The following FUT8 variants were observed in gnomAD, a reference collection of about 807,000 sequenced individuals.
FUT8 encodes the protein alpha-(1,6)-fucosyltransferase.
Under a neutral mutation model 71.3 loss-of-function variants are expected in FUT8, and 29 were observed. The observed-to-expected ratio is 0.41, with a 90% CI of 0.30 to 0.55. The LOEUF (loss-of-function observed/expected upper bound fraction) is 0.55, where lower values mean the gene tolerates loss of function less well. FUT8 is among the 20% of genes least tolerant of loss of function. The pLI, the probability that FUT8 is intolerant of heterozygous loss-of-function variation, is 0.34. For synonymous variants in FUT8, 254 were observed against 239.3 expected (o/e 1.06, Z -0.57); for missense variants, 544 against 702.1 (o/e 0.77, Z 2.55).
chr14:65,621,664 C>T (rs1033156246), intron 5 of FUT8, among the ~76,000 whole-genome samples: 3 of 152,094 alleles, frequency 2.0e-5, no homozygotes, highest in South Asian at 2.1e-4. Flanking sequence ...CGAGTTCAAG[C>T]GATTATCCTG....
intron 3 of FUT8, among the ~76,000 whole-genome samples, chr14:65,596,122 A>G (rs1408891679): frequency 6.6e-6 from 1 of 152,232 alleles, no homozygotes. Flanking sequence ...GTAGAATTGA[A>G]GATTAATTTT....
the FUT8 span, among the ~76,000 whole-genome samples, chr14:65,366,738 C>G: frequency 6.6e-6 from 1 of 152,156 alleles, no homozygotes; most frequent in Admixed American, 6.6e-5. Context: ...TCAAAATATC[C>G]TAGACTTTCC....
the FUT8 span, among the ~76,000 whole-genome samples, chr14:65,395,550 A>G: frequency 6.6e-6 from 1 of 152,256 alleles, no homozygotes; most frequent in Non-Finnish European, 1.5e-5. Context: ...CTCTGAAGCC[A>G]TGGCCCGAGC....
At chr14:65,370,314 T>G in the FUT8 span, among the ~76,000 whole-genome samples, 1 of 149,180 alleles carries the variant, frequency 6.7e-6, no homozygotes, top group Non-Finnish European at 1.5e-5. Flanking sequence ...TTCACGCCAT[T>G]CTCCCACCTC....
rs1332680541 is a variant in FUT8, at chr14:65,467,272, A to AT, written c.-228+11562dup. ...GCATTCTAGTTTGGTATTTTATTTTATTTTTTTTAACAGCCCAGAGGTCTT... is the reference window on the plus strand; with the variant it reads ...GCATTCTAGTTTGGTATTTTATTTTATTTTTTTTTAACAGCCCAGAGGTCTT... On this transcript the variant is annotated intron_variant, in intron 2 of 10. Coordinates refer to ENST00000673929, the MANE Select transcript of FUT8 (RefSeq NM_001371533.1). The surrounding 1 kb of genome is among the most constrained non-coding windows in gnomAD (Gnocchi z 4.1). Among the ~76,000 whole-genome samples, 8 of 151,436 alleles carry AT rather than the reference A, an allele frequency of 5.3e-5. No homozygotes were observed. The highest frequency in any genetic ancestry group is 2.0e-4 in the Admixed American group (3 of 15,210).
In FUT8 at chr14:65,669,200, T is replaced by G. The variant is rs144160296; in HGVS notation, c.598-43T>G. ...AAAAAAAAAGAGCAGTTGACCTCTCTGTACAACTTATCTTTATTTTCATTT... is the reference window on the plus strand; with the variant it reads ...AAAAAAAAAGAGCAGTTGACCTCTCGGTACAACTTATCTTTATTTTCATTT... On this transcript the variant is annotated intron_variant, in intron 6 of 10. Coordinates refer to ENST00000673929, the MANE Select transcript of FUT8 (RefSeq NM_001371533.1). This position sits in a 1 kb window ranked among gnomAD's most constrained non-coding sequence, Gnocchi z 4.5. The G allele has an allele frequency of 3.7e-5, 55 of 1,467,896 alleles. No individual in the cohort carries two copies. In the East Asian group the frequency reaches 1.2e-3, roughly 33 times the overall value. 90.9% of individuals were successfully genotyped at this position (1,467,896 alleles called of 1,614,324 possible).
chr14:65,558,238 A>G (rs1055420788), intron 2 of FUT8, among the ~76,000 whole-genome samples: 4 of 151,720 alleles, frequency 2.6e-5, no homozygotes, highest in Non-Finnish European at 5.9e-5. Context: ...AGGCTGAGAC[A>G]AGAGAATCTC....
At chr14:65,695,428 A>T (rs1893942679) in intron 7 of FUT8, among the ~76,000 whole-genome samples, 2 of 152,026 alleles carry the variant, frequency 1.3e-5, no homozygotes, top group African/African-American at 4.8e-5. Flanking sequence ...ATTGCTGATA[A>T]TTTTTTTGTT....
chr14:65,421,727 A>G (rs867667653), intron 1 of FUT8, among the ~76,000 whole-genome samples: 2 of 74,954 alleles, frequency 2.7e-5, no homozygotes, highest in Non-Finnish European at 5.4e-5. Context: ...GTATCTTGAA[A>G]CCCTTTAACC....
the FUT8 span, among the ~76,000 whole-genome samples, chr14:65,358,205 G>T: frequency 1.3e-5 from 2 of 152,144 alleles, no homozygotes; most frequent in African/African-American, 4.8e-5. Context: ...TTATTACAAA[G>T]AAATGATAAA....
rs1451598493 is a variant in FUT8 at position 65,742,228 on chromosome 14, C to T, written c.1546C>T (p.Arg516Ter). The change falls in exon 11 of 11, where the codon CGA becomes TGA. Residue 516 changes from arginine (R) to a stop codon, truncating the protein, a stop_gained. Transcript: ENST00000673929. LOFTEE classifies it high-confidence loss of function. ...AATTGCCATTTATGCTCACCAACCC[C>T]GAACTGCAGATGAAATTCCCATGGA... ...NQIAIYAHQP[R>*]TADEIPMEPG... is the part of the protein sequence containing the mutation. 6.2e-7 allele frequency: 1 copy of T among 1,613,062 alleles called. No individual in the cohort carries two copies. Among genetic ancestry groups the T allele is most frequent in the Non-Finnish European group, 8.5e-7 (1 of 1,179,402 alleles).
At chr14:65,389,595 G>T in the FUT8 span, among the ~76,000 whole-genome samples, 1 of 152,004 alleles carries the variant, frequency 6.6e-6, no homozygotes, top group Non-Finnish European at 1.5e-5. Context: ...TGACAGGCTT[G>T]AGCCACTGTG....
chr14:65,389,014 A>G, the FUT8 span, among the ~76,000 whole-genome samples: 14 of 151,038 alleles, frequency 9.3e-5, no homozygotes, highest in African/African-American at 3.1e-4. Flanking sequence ...ACATATTTAT[A>G]TATTTGAGAC....
chr14:65,360,135 A>C, the FUT8 span, among the ~76,000 whole-genome samples: 1 of 152,194 alleles, frequency 6.6e-6, no homozygotes, highest in Non-Finnish European at 1.5e-5. Context: ...CTGGCCAGGC[A>C]CACTCATTTT....
chr14:65,439,937 A>AGTGTGT (rs1317926958), intron 1 of FUT8, among the ~76,000 whole-genome samples: 4 of 70,272 alleles, frequency 5.7e-5, no homozygotes, highest in Admixed American at 3.3e-4. Flanking sequence ...GGATAAAGAA[A>AGTGTGT]ATGTGTGTGT....
intron 1 of FUT8, among the ~76,000 whole-genome samples, chr14:65,426,994 G>A (rs533542595): frequency 5.9e-5 from 9 of 152,148 alleles, no homozygotes; most frequent in African/African-American, 2.2e-4. Context: ...TAGTAGCTGG[G>A]ACTACAGGTG....
chr14:65,708,441 C>T (rs1280271828), intron 7 of FUT8, among the ~76,000 whole-genome samples: 1 of 152,176 alleles, frequency 6.6e-6, no homozygotes, highest in African/African-American at 2.4e-5. Flanking sequence ...ATAATGTGGA[C>T]ATTTTAATAA....
the FUT8 span, among the ~76,000 whole-genome samples, chr14:65,371,692 T>C: frequency 6.6e-6 from 1 of 152,258 alleles, no homozygotes; most frequent in African/African-American, 2.4e-5. Context: ...TCCTTTGACA[T>C]GTCACCATCA....
At position 65,472,563 on chromosome 14, in the gene FUT8, T is replaced by TA. The variant is rs565384925; in HGVS notation, c.-228+16856dup. On this transcript the variant is annotated intron_variant, in intron 2 of 10. Transcript: ENST00000673929. This position sits in a 1 kb window ranked among gnomAD's most constrained non-coding sequence, Gnocchi z 4.4. Reference sequence around the variant, plus strand: ...GGTTTATTTTTATATTCTTATACTGTAAAAAAAAAAACAACTTTATTTTTA... The same window carrying TA: ...GGTTTATTTTTATATTCTTATACTGTAAAAAAAAAAAACAACTTTATTTTTA... 4.9e-3 allele frequency among the ~76,000 whole-genome samples: 703 copies of TA among 144,840 alleles called. 4 individuals are homozygous for TA. The highest frequency in any genetic ancestry group is 0.026 in the East Asian group (128 of 4,982).
Sources: gnomAD v4.1 joint callset for allele counts (sites outside exome capture counted in the v4.1 genomes callset) on GRCh38, gnomAD v4.1.1 for gene constraint, Gnocchi (gnomAD v3.1) non-coding constraint, MANE v1.5 for transcripts, NCBI Gene and HGNC (gene_info 2026-07-23, HGNC 2026-07-21) for gene names.